The following FIP1L1 variants were observed in gnomAD, a reference collection of about 807,000 sequenced individuals.
The protein encoded by FIP1L1 is pre-mRNA 3'-end-processing factor FIP1.
Under a neutral mutation model 84.6 loss-of-function variants are expected in FIP1L1, and 21 were observed. The observed-to-expected ratio is 0.25, with a 90% CI of 0.18 to 0.36. The LOEUF (loss-of-function observed/expected upper bound fraction) is 0.36, where lower values mean the gene tolerates loss of function less well. FIP1L1 is among the 10% of genes least tolerant of loss of function. The probability of loss-of-function intolerance (pLI) is 1.00; values close to 1 mark genes in which losing one functional copy is unlikely to be tolerated. For missense variants in FIP1L1, 526 were observed against 751.1 expected, an observed-to-expected ratio of 0.70 and a Z score of 3.50; for synonymous variants, 263 against 242.3, an observed-to-expected ratio of 1.09 and a Z score of -0.80.
At chr4:53,391,365 C>T in intron 8 of FIP1L1, 65 bp from the exon 9 acceptor site, 1 of 1,394,864 alleles carries the variant, frequency 7.2e-7, no homozygotes, top group Non-Finnish European at 1.0e-6. Context: ...GCTAGTTTGT[C>T]TTTATATGGC....
chr4:53,395,728 G>A (rs1746872654), intron 9 of FIP1L1, among the ~76,000 whole-genome samples: 1 of 152,034 alleles, frequency 6.6e-6, no homozygotes. Flanking sequence ...ATAAAGTGAT[G>A]GAATTTTGTG....
At position 53,425,487 on chromosome 4, in the gene FIP1L1, G is replaced by T. The variant is rs562921734; in HGVS notation, c.924-385G>T. Among the ~76,000 whole-genome samples the T allele has an allele frequency of 2.6e-3, 389 of 152,118 alleles. 5 individuals are homozygous for T. Among genetic ancestry groups the T allele is most frequent in the Non-Finnish European group, 8.2e-4 (56 of 67,932 alleles). On this transcript the variant is annotated intron_variant, in intron 11 of 17. Transcript: ENST00000337488. ...TTTTTGGGGAATATTTAAAGTTTCT[G>T]TAATAGAGCTGTAGTATGTGTTACA...
intron 15 of FIP1L1, among the ~76,000 whole-genome samples, chr4:53,445,884 A>T (rs1450246442): frequency 6.6e-6 from 1 of 152,096 alleles, no homozygotes; most frequent in South Asian, 2.1e-4. Flanking sequence ...TCAGAGAGGG[A>T]TGTTTTGGGG....
intron 10 of FIP1L1, among the ~76,000 whole-genome samples, chr4:53,402,404 A>T (rs955639676): frequency 6.6e-6 from 1 of 152,084 alleles, no homozygotes; most frequent in Non-Finnish European, 1.5e-5. Flanking sequence ...CAAAACAAAG[A>T]AAAAAACAGC....
At chr4:53,440,137 C>T (rs959125806) in intron 13 of FIP1L1, among the ~76,000 whole-genome samples, 6 of 152,018 alleles carry the variant, frequency 3.9e-5, no homozygotes, top group Non-Finnish European at 2.9e-5. Context: ...ACATATTGAG[C>T]TTTACAAAAG....
At chr4:53,384,803 G>A (rs1262583144) in intron 5 of FIP1L1, among the ~76,000 whole-genome samples, 1 of 152,148 alleles carries the variant, frequency 6.6e-6, no homozygotes, top group East Asian at 1.9e-4. Flanking sequence ...TTTCAAATTG[G>A]CTGTATAATG....
chr4:53,458,222 G>A (rs1720465800), intron 16 of FIP1L1, among the ~76,000 whole-genome samples: 1 of 151,962 alleles, frequency 6.6e-6, no homozygotes, highest in African/African-American at 2.4e-5. Flanking sequence ...AATGTTAAAC[G>A]TATGTCCAAG....
chr4:53,403,119 A>G (rs1322268491), intron 10 of FIP1L1, among the ~76,000 whole-genome samples: 1 of 152,200 alleles, frequency 6.6e-6, no homozygotes, highest in Non-Finnish European at 1.5e-5. Context: ...AAACTAGGTG[A>G]AAGGAGTAGC....
At chr4:53,399,432 C>T (rs1371255584) in intron 9 of FIP1L1, among the ~76,000 whole-genome samples, 1 of 152,110 alleles carries the variant, frequency 6.6e-6, no homozygotes, top group Admixed American at 6.5e-5. Flanking sequence ...TATCTGGGAC[C>T]TATTTGTAGT....
At chr4:53,383,443 C>T (rs1375170192) in intron 4 of FIP1L1, among the ~76,000 whole-genome samples, 1 of 152,164 alleles carries the variant, frequency 6.6e-6, no homozygotes, top group African/African-American at 2.4e-5. Context: ...GGGTGGATCA[C>T]CTGAGGTCAG....
At chr4:53,414,780 T>C (rs762547847) in intron 11 of FIP1L1, 58 bp downstream of exon 11, 93 of 1,101,686 alleles carry the variant, frequency 8.4e-5, no homozygotes, top group Non-Finnish European at 1.2e-4. Flanking sequence ...AATGTTGTTA[T>C]GCCTTATTAG....
intron 11 of FIP1L1, among the ~76,000 whole-genome samples, chr4:53,418,875 T>C (rs1473409630): frequency 2.6e-5 from 4 of 152,220 alleles, no homozygotes; most frequent in Non-Finnish European, 5.9e-5. Flanking sequence ...AATGACCTCT[T>C]CCTCTGACTA....
At chr4:53,417,663 A>G (rs1442097717) in intron 11 of FIP1L1, among the ~76,000 whole-genome samples, 1 of 148,350 alleles carries the variant, frequency 6.7e-6, no homozygotes, top group Admixed American at 6.7e-5. Context: ...AAAAAAAAAA[A>G]AAAGAAAAGA....
intron 13 of FIP1L1, among the ~76,000 whole-genome samples, chr4:53,433,446 T>C (rs996959405): frequency 1.3e-5 from 2 of 152,236 alleles, no homozygotes; most frequent in African/African-American, 4.8e-5. Flanking sequence ...GATTGTGAGC[T>C]AACTTTATGG....
At chr4:53,423,679 C>T (rs990645292) in intron 11 of FIP1L1, among the ~76,000 whole-genome samples, 3 of 151,984 alleles carry the variant, frequency 2.0e-5, no homozygotes, top group African/African-American at 7.3e-5. Flanking sequence ...TTAAAAAATA[C>T]GGGCACAAGG....
At chr4:53,394,374 A>G (rs1409946003) in intron 9 of FIP1L1, among the ~76,000 whole-genome samples, 1 of 152,182 alleles carries the variant, frequency 6.6e-6, no homozygotes, top group Non-Finnish European at 1.5e-5. Context: ...TCTGAATAGA[A>G]CTTGCTTGAC....
intron 9 of FIP1L1, among the ~76,000 whole-genome samples, chr4:53,398,866 A>T (rs1748787565): frequency 2.0e-5 from 3 of 152,054 alleles, no homozygotes; most frequent in Admixed American, 2.0e-4. Flanking sequence ...ATTAAGAGGG[A>T]GAAGGCTGGG....
At chr4:53,383,967 G>A in intron 5 of FIP1L1, 91 bp downstream of exon 5, 1 of 1,154,518 alleles carries the variant, frequency 8.7e-7, no homozygotes, top group Admixed American at 2.7e-5. Flanking sequence ...TGAGTCCATT[G>A]TTTTTACATT....
intron 5 of FIP1L1, among the ~76,000 whole-genome samples, chr4:53,388,720 G>A (rs375111331): frequency 1.3e-4 from 20 of 152,290 alleles, no homozygotes; most frequent in African/African-American, 4.1e-4. Context: ...TAACAGAAAA[G>A]TCTCTTTTAA....
Sources: gnomAD v4.1 joint callset for allele counts (sites outside exome capture counted in the v4.1 genomes callset) on GRCh38, gnomAD v4.1.1 for gene constraint, MANE v1.5 for transcripts, NCBI Gene and HGNC (gene_info 2026-07-23, HGNC 2026-07-21) for gene names.